The following STPG2 variants were observed in gnomAD, a reference collection of about 807,000 sequenced individuals.
STPG2 encodes sperm tail PG-rich repeat containing 2, also known as sperm-tail PG-rich repeat-containing protein 2.
A neutral mutation model predicts 54.2 loss-of-function variants in STPG2; 56 were observed. That is an observed-to-expected ratio of 1.03 (90% CI 0.83 to 1.29). The LOEUF is 1.29. Among genes scored for constraint, STPG2 ranks in the 50% most tolerant of loss-of-function variants. STPG2 has a pLI of 0.00. For missense variants in STPG2, 596 were observed against 544.9 expected (o/e 1.09, Z -0.93); for synonymous variants, 200 against 181.8 (o/e 1.10, Z -0.81).
At position 97,737,398 on chromosome 4, in the gene STPG2, C is replaced by T. The variant is rs189506943; in HGVS notation, c.1205-24584G>A. 5.0e-4 allele frequency among the ~76,000 whole-genome samples: 76 copies of T among 151,962 alleles called. 1 individual carries two copies. Among genetic ancestry groups the T allele is most frequent in the Non-Finnish European group, 2.8e-4 (19 of 67,938 alleles). ...CGAGTTGAGAGAAGAAGGCTTCAGC[C>T]GATAAAACTACTCCGAGCTACAGGA... is the stretch of plus-strand genomic sequence containing the variant. On this transcript the variant is annotated intron_variant, in intron 9 of 10. Coordinates refer to ENST00000295268, the MANE Select transcript of STPG2 (RefSeq NM_174952.3).
At chr4:98,035,589 T>C (rs960803532) in intron 5 of STPG2, among the ~76,000 whole-genome samples, 1 of 152,150 alleles carries the variant, frequency 6.6e-6, no homozygotes, top group Non-Finnish European at 1.5e-5. Flanking sequence ...AGCAATCCAG[T>C]TACTGGGTAT....
chr4:97,657,818 T>G (rs1199160799), intron 10 of STPG2, among the ~76,000 whole-genome samples: 1 of 152,242 alleles, frequency 6.6e-6, no homozygotes, highest in Non-Finnish European at 1.5e-5. Flanking sequence ...TAGAATGTTA[T>G]GCAAAGACAT....
At chr4:97,495,519 A>C (rs997164385) in intron 4 of STPG2, among the ~76,000 whole-genome samples, 1 of 151,460 alleles carries the variant, frequency 6.6e-6, no homozygotes, top group African/African-American at 2.4e-5. Context: ...CTATAAGGCA[A>C]TATAAGGGAG....
At chr4:97,635,264 A>G (rs939088171) in intron 10 of STPG2, among the ~76,000 whole-genome samples, 1 of 152,214 alleles carries the variant, frequency 6.6e-6, no homozygotes, top group African/African-American at 2.4e-5. Flanking sequence ...AAGGAGAAAT[A>G]AAATACTTTA....
chr4:97,678,289 A>G (rs1323157300), intron 10 of STPG2, among the ~76,000 whole-genome samples: 4 of 152,164 alleles, frequency 2.6e-5, no homozygotes, highest in Non-Finnish European at 2.9e-5. Flanking sequence ...ACATTAAATT[A>G]CAGATTTCTC....
At chr4:97,716,349 T>C (rs1465998800) in intron 9 of STPG2, among the ~76,000 whole-genome samples, 3 of 152,068 alleles carry the variant, frequency 2.0e-5, no homozygotes, top group Non-Finnish European at 4.4e-5. Context: ...CATTACTGAG[T>C]ATATACTCAA....
chr4:97,662,122 A>G (rs1054327508), intron 10 of STPG2, among the ~76,000 whole-genome samples: 1 of 152,164 alleles, frequency 6.6e-6, no homozygotes, highest in African/African-American at 2.4e-5. Flanking sequence ...AATATTTTCA[A>G]ACTATGCATC....
chr4:97,475,150 A>T (rs1338574844), intron 4 of STPG2, among the ~76,000 whole-genome samples: 1 of 152,026 alleles, frequency 6.6e-6, no homozygotes. Flanking sequence ...ATTATTAGGG[A>T]TAGTTTCTAA....
chr4:97,705,850 T>C (rs1723923883), intron 10 of STPG2, among the ~76,000 whole-genome samples: 1 of 151,958 alleles, frequency 6.6e-6, no homozygotes, highest in Admixed American at 6.6e-5. Flanking sequence ...ATTTATAAAC[T>C]AGAAATAAAT....
chr4:98,075,376 T>G (rs1235852496), intron 5 of STPG2, among the ~76,000 whole-genome samples: 1 of 152,236 alleles, frequency 6.6e-6, no homozygotes, highest in Non-Finnish European at 1.5e-5. Flanking sequence ...TGACTAAATT[T>G]CAAGTTTTGC....
intron 9 of STPG2, among the ~76,000 whole-genome samples, chr4:97,741,081 T>C (rs942697228): frequency 2.6e-5 from 4 of 152,128 alleles, no homozygotes; most frequent in Non-Finnish European, 5.9e-5. Flanking sequence ...TATCTGATCT[T>C]TGACAAACCT....
intron 9 of STPG2, among the ~76,000 whole-genome samples, chr4:97,762,486 C>T (rs1725917867): frequency 6.6e-6 from 1 of 152,124 alleles, no homozygotes; most frequent in Non-Finnish European, 1.5e-5. Flanking sequence ...TGCTTCCTCC[C>T]TATGAAAAGA....
intron 10 of STPG2, among the ~76,000 whole-genome samples, chr4:97,638,007 T>C (rs1721617895): frequency 6.6e-6 from 1 of 151,870 alleles, no homozygotes; most frequent in Non-Finnish European, 1.5e-5. Context: ...AAAGTTCATA[T>C]GGAACCAAAA....
intron 6 of STPG2, among the ~76,000 whole-genome samples, chr4:97,975,320 T>C (rs1016646116): frequency 6.6e-6 from 1 of 152,106 alleles, no homozygotes; most frequent in Admixed American, 6.5e-5. Context: ...AATAAATAAA[T>C]CTCAACACTA....
chr4:97,684,103 G>A (rs566934385), intron 10 of STPG2, among the ~76,000 whole-genome samples: 127 of 151,874 alleles, frequency 8.4e-4, no homozygotes, highest in Non-Finnish European at 1.5e-3. Context: ...GAAATAAATC[G>A]AAGATATAAA....
At chr4:98,029,042 G>T (rs1035004503) in intron 5 of STPG2, among the ~76,000 whole-genome samples, 8 of 151,990 alleles carry the variant, frequency 5.3e-5, no homozygotes, top group African/African-American at 1.7e-4. Flanking sequence ...TGTGATCAGA[G>T]AGCATATTTT....
At chr4:97,726,214 T>A (rs905235139) in intron 9 of STPG2, among the ~76,000 whole-genome samples, 12 of 151,930 alleles carry the variant, frequency 7.9e-5, no homozygotes, top group African/African-American at 2.9e-4. Context: ...ACAATTTGTA[T>A]GATATTGTAC....
At chr4:97,994,119 ACTT>A (rs1407638058) in intron 5 of STPG2, among the ~76,000 whole-genome samples, 1 of 151,220 alleles carries the variant, frequency 6.6e-6, no homozygotes, top group Non-Finnish European at 1.5e-5. Context: ...GATTTTTGTT[ACTT>A]CTTTTCTTCT....
chr4:98,068,745 A>G (rs1049789124), intron 5 of STPG2, among the ~76,000 whole-genome samples: 4 of 152,052 alleles, frequency 2.6e-5, no homozygotes, highest in Non-Finnish European at 5.9e-5. Context: ...TGCAAACATC[A>G]TAGAGTGTAC....
Sources: gnomAD v4.1 joint callset for allele counts (sites outside exome capture counted in the v4.1 genomes callset) on GRCh38, gnomAD v4.1.1 for gene constraint, MANE v1.5 for transcripts, NCBI Gene and HGNC (gene_info 2026-07-23, HGNC 2026-07-21) for gene names.